The following AFF3 variants were observed in gnomAD, a reference collection of about 807,000 sequenced individuals.
AFF3 encodes the protein ALF transcription elongation factor 3.
A neutral mutation model predicts 129.7 loss-of-function variants in AFF3; 32 were observed. The ratio of observed to expected loss-of-function variants is 0.25; its 90% CI spans 0.19 to 0.33. The LOEUF is 0.33. Among genes scored for constraint, AFF3 ranks in the 10% least tolerant of loss-of-function variants. The pLI is 1.00. For missense variants in AFF3, 1,373 were observed against 1,592.0 expected, an observed-to-expected ratio of 0.86 and a Z score of 2.34; for synonymous variants, 644 against 635.4, an observed-to-expected ratio of 1.01 and a Z score of -0.20.
chr2:99,656,449 G>A (rs563838586), intron 12 of AFF3, among the ~76,000 whole-genome samples: 3 of 152,240 alleles, frequency 2.0e-5, no homozygotes, highest in South Asian at 2.1e-4. Context: ...TTGAATAAAC[G>A]CCCTTGCAGC....
intron 8 of AFF3, among the ~76,000 whole-genome samples, chr2:99,768,524 T>C (rs746218119): frequency 2.0e-5 from 3 of 152,250 alleles, no homozygotes; most frequent in East Asian, 1.9e-4. Flanking sequence ...TACCTAAGAA[T>C]AGTTTACACA....
chr2:99,730,625 C>T (rs1679748058), intron 10 of AFF3, among the ~76,000 whole-genome samples: 1 of 151,564 alleles, frequency 6.6e-6, no homozygotes, highest in African/African-American at 2.4e-5. Context: ...AGCGATTCTC[C>T]TGCCTCAGCC....
intron 12 of AFF3, among the ~76,000 whole-genome samples, chr2:99,669,612 T>C (rs548720446): frequency 7.9e-5 from 12 of 152,310 alleles, no homozygotes; most frequent in Admixed American, 3.3e-4. Context: ...TGTATTTTCA[T>C]CTGGATATTG....
At chr2:99,568,981 T>C in intron 18 of AFF3, 66 bp from the exon 19 acceptor site, 1 of 1,436,772 alleles carries the variant, frequency 7.0e-7, no homozygotes, top group African/African-American at 1.4e-5. Flanking sequence ...AAAATATTCC[T>C]TCCTTTCACT....
Position 99,842,495 on chromosome 2 carries a change from C to T in AFF3, c.874-4971G>A, listed in dbSNP as rs191659885. Among the ~76,000 whole-genome samples, 54 of 152,170 alleles carry T rather than the reference C, an allele frequency of 3.5e-4. No homozygotes were observed. The East Asian group carries it at 0.01, about 29-fold the overall frequency. ...TTCATGCTGAGTTGCTGAGCTGTTG[C>T]TCCGTATTTACTCCAACTTTGAGGA... On this transcript the variant is annotated intron_variant, in intron 7 of 24. Coordinates refer to ENST00000672756, the MANE Select transcript of AFF3 (RefSeq NM_001386135.1).
chr2:99,729,089 G>A (rs1355574410), intron 10 of AFF3, among the ~76,000 whole-genome samples: 7 of 151,874 alleles, frequency 4.6e-5, no homozygotes, highest in Admixed American at 3.9e-4. Flanking sequence ...GCTTTAATTT[G>A]GTGAAACTGG....
At chr2:100,050,553 T>C (rs1378844028) in intron 4 of AFF3, among the ~76,000 whole-genome samples, 1 of 152,188 alleles carries the variant, frequency 6.6e-6, no homozygotes, top group Non-Finnish European at 1.5e-5. Context: ...AGAGTTCCTG[T>C]ACTTGCTGTC....
rs533812730 is a variant in AFF3, at chr2:99,787,364, T to G, written c.922-35063A>C. Among the ~76,000 whole-genome samples, 5 of 152,270 alleles carry G rather than the reference T, an allele frequency of 3.3e-5. No individual in the cohort carries two copies. In the East Asian group the frequency reaches 9.7e-4, roughly 30 times the overall value. ...TCTGGAGCCTGCCTTCGGATAGCTG[T>G]GACCCCCACGTTAGGCATCAAGACA... On this transcript the variant is annotated intron_variant, in intron 8 of 24. Transcript: ENST00000672756.
intron 9 of AFF3, among the ~76,000 whole-genome samples, chr2:99,748,861 T>C (rs952305134): frequency 6.6e-6 from 1 of 152,216 alleles, no homozygotes; most frequent in South Asian, 2.1e-4. Context: ...GTAACACCTA[T>C]TCATTGACGA....
intron 7 of AFF3, among the ~76,000 whole-genome samples, chr2:99,880,806 C>T (rs991144924): frequency 7.2e-5 from 11 of 152,034 alleles, no homozygotes; most frequent in African/African-American, 9.7e-5. Flanking sequence ...CTGTATGTGG[C>T]GACAGATGAC....
chr2:99,718,128 T>C (rs1678550804), intron 11 of AFF3, among the ~76,000 whole-genome samples: 1 of 152,260 alleles, frequency 6.6e-6, no homozygotes, highest in African/African-American at 2.4e-5. Context: ...CTGTTGTTCT[T>C]AAAGACTGTT....
chr2:99,710,281 A>T (rs1677777978), intron 11 of AFF3, among the ~76,000 whole-genome samples: 1 of 152,120 alleles, frequency 6.6e-6, no homozygotes, highest in Non-Finnish European at 1.5e-5. Context: ...TTTTTGAGAC[A>T]GAGTCTCTAT....
At chr2:100,007,601 C>T (rs753885891) in intron 5 of AFF3, 141 bp from the exon 6 acceptor site, 9 of 775,434 alleles carry the variant, frequency 1.2e-5, no homozygotes, top group South Asian at 3.5e-5. Context: ...AAATCCTTAT[C>T]GTCTCTGAAG....
Position 99,835,103 on chromosome 2 carries a change from G to A in AFF3, c.921+2374C>T, listed in dbSNP as rs552024057. Among the ~76,000 whole-genome samples the A allele has an allele frequency of 1.1e-3, 174 of 152,022 alleles. 4 individuals carry two copies. The South Asian group carries it at 0.035, about 31-fold the overall frequency. On this transcript the variant is annotated intron_variant, in intron 8 of 24. Transcript: ENST00000672756. ...CCTAATGTTTCCCATGGCCGTAAGC[G>A]CACCACCAAGCATCTCTGGGCTGGA...
chr2:99,933,401 T>A (rs62147652), intron 7 of AFF3, among the ~76,000 whole-genome samples: 20,422 of 152,020 alleles, frequency 0.13, 1,619 homozygotes, highest in African/African-American at 0.18. Context: ...TACGTGTGCT[T>A]TGGTGGTTTG....
chr2:99,732,631 CTTAT>C (rs1381601821), intron 10 of AFF3, among the ~76,000 whole-genome samples: 2 of 152,176 alleles, frequency 1.3e-5, no homozygotes, highest in African/African-American at 4.8e-5. Context: ...ATACCAGTTT[CTTAT>C]TTGTTCTTCT....
At chr2:99,719,893 C>T (rs1389709577) in intron 11 of AFF3, among the ~76,000 whole-genome samples, 4 of 152,124 alleles carry the variant, frequency 2.6e-5, no homozygotes, top group Admixed American at 1.3e-4. Flanking sequence ...AAAAATTAGC[C>T]GGGCATGGTG....
At chr2:100,018,617 T>G (rs1683332850) in intron 4 of AFF3, among the ~76,000 whole-genome samples, 1 of 152,122 alleles carries the variant, frequency 6.6e-6, no homozygotes, top group South Asian at 2.1e-4. Flanking sequence ...AGAAGTTAAT[T>G]TGAGTTTCTT....
At chr2:100,026,448 T>C (rs1376582254) in intron 4 of AFF3, among the ~76,000 whole-genome samples, 2 of 152,116 alleles carry the variant, frequency 1.3e-5, no homozygotes, top group Non-Finnish European at 2.9e-5. Flanking sequence ...ACACTGCTGG[T>C]AGGAATGTAA....
Sources: allele counts gnomAD v4.1 joint callset (sites outside exome capture counted in the v4.1 genomes callset), GRCh38; gene constraint gnomAD v4.1.1; transcripts MANE v1.5; gene names NCBI Gene and HGNC (gene_info 2026-07-23, HGNC 2026-07-21).